The following SAMHD1 variants were observed in gnomAD, a reference collection of about 807,000 sequenced individuals.
The protein encoded by SAMHD1 is deoxynucleoside triphosphate triphosphohydrolase SAMHD1.
Under a neutral mutation model 79.6 loss-of-function variants are expected in SAMHD1, and 54 were observed. The ratio of observed to expected loss-of-function variants is 0.68; its 90% CI spans 0.55 to 0.85. The LOEUF (loss-of-function observed/expected upper bound fraction) is 0.85. Ranked by LOEUF, SAMHD1 falls within the 40% of genes least tolerant of loss-of-function variation. The pLI is 0.00. For synonymous variants in SAMHD1, 260 were observed against 264.1 expected, an observed-to-expected ratio of 0.98 and a Z score of 0.15; for missense variants, 663 against 782.7, an observed-to-expected ratio of 0.85 and a Z score of 1.82.
chr20:36,929,340 A>G (rs1483810649), intron 5 of SAMHD1, among the ~76,000 whole-genome samples: 1 of 151,876 alleles, frequency 6.6e-6, no homozygotes, highest in Non-Finnish European at 1.5e-5. Flanking sequence ...AGTGGCATGC[A>G]CCTCCCTTCC....
chr20:36,945,022 T>C (rs1265950996), intron 2 of SAMHD1, among the ~76,000 whole-genome samples: 2 of 151,412 alleles, frequency 1.3e-5, no homozygotes, highest in Admixed American at 1.3e-4. Flanking sequence ...TGTATGTATG[T>C]ATATATGTAT....
intron 1 of SAMHD1, among the ~76,000 whole-genome samples, chr20:36,947,248 G>A (rs183933216): frequency 3.6e-4 from 55 of 152,078 alleles, no homozygotes; most frequent in Admixed American, 1.0e-3. Flanking sequence ...ATTCAAGAGT[G>A]CTTAAAGTGT....
chr20:36,941,200 A>G (rs1335778088), intron 2 of SAMHD1, 89 bp from the exon 3 acceptor site: 2 of 852,092 alleles, frequency 2.3e-6, no homozygotes, highest in Non-Finnish European at 3.9e-6. Flanking sequence ...ACTTTATATT[A>G]TCTACACTAA....
chr20:36,948,754 C>T (rs2146155717), intron 1 of SAMHD1, among the ~76,000 whole-genome samples: 1 of 149,236 alleles, frequency 6.7e-6, no homozygotes, highest in African/African-American at 2.5e-5. Context: ...GTAGTCACAG[C>T]TACTCAGGAG....
In SAMHD1 at chr20:36,916,811, T is replaced by A; in HGVS notation, c.973A>T (p.Ile325Phe). The change falls in exon 9 of 16, where the codon ATC becomes TTC. Residue 325 changes from isoleucine (I) to phenylalanine (F), a missense_variant. By Grantham distance (21) the Ile-to-Phe change is conservative. Coordinates refer to ENST00000646673, the MANE Select transcript of SAMHD1 (RefSeq NM_015474.4). ...YFARDCHHLG[I>F]QNNFDYKRFI... The stretch of plus-strand genomic sequence containing the variant: ...CGCTTGTAATCAAAATTATTTTGGA[T>A]TCCAAGATGATGGCAGTCCCTAGAA... 1 of 1,613,992 alleles carries A rather than the reference T, an allele frequency of 6.2e-7. No homozygotes were observed. Among genetic ancestry groups the A allele is most frequent in the Non-Finnish European group, 8.5e-7 (1 of 1,179,928 alleles).
chr20:36,942,173 T>C (rs1169503545), intron 2 of SAMHD1, among the ~76,000 whole-genome samples: 2 of 152,158 alleles, frequency 1.3e-5, no homozygotes, highest in Admixed American at 6.6e-5. Context: ...CCCAGCACTT[T>C]GGGAGGCCGA....
At chr20:36,930,541 C>T (rs1306377992) in intron 5 of SAMHD1, among the ~76,000 whole-genome samples, 1 of 151,526 alleles carries the variant, frequency 6.6e-6, no homozygotes, top group South Asian at 2.1e-4. Flanking sequence ...AGATGTTTAA[C>T]ATGAGAAATT....
chr20:36,942,699 T>A (rs575204827), intron 2 of SAMHD1, among the ~76,000 whole-genome samples: 9 of 151,794 alleles, frequency 5.9e-5, no homozygotes, highest in Non-Finnish European at 1.3e-4. Flanking sequence ...CAGGCTGGAG[T>A]GCAGTGACGT....
At chr20:36,944,140 G>A (rs1190725711) in intron 2 of SAMHD1, among the ~76,000 whole-genome samples, 5 of 147,372 alleles carry the variant, frequency 3.4e-5, no homozygotes, top group Admixed American at 2.1e-4. Context: ...AAGGTCAGGA[G>A]ATTGAGACCA....
intron 4 of SAMHD1, among the ~76,000 whole-genome samples, chr20:36,931,585 C>T (rs1023257627): frequency 6.6e-6 from 1 of 151,884 alleles, no homozygotes; most frequent in African/African-American, 2.4e-5. Flanking sequence ...TGCAGTGAGC[C>T]GAGATCTTGC....
chr20:36,919,393 G>A lies in SAMHD1; in HGVS notation c.823C>T (p.Pro275Ser), dbSNP rs1217802439. 1 of 1,613,568 alleles carries A rather than the reference G, an allele frequency of 6.2e-7. No homozygotes were observed. The highest frequency in any genetic ancestry group is 8.5e-7 in the Non-Finnish European group (1 of 1,179,708). The change falls in exon 7 of 16, where the codon CCA becomes TCA. Residue 275 changes from proline (P) to serine (S), a missense_variant. Physicochemically the swap from Pro to Ser is moderately conservative, Grantham distance 74. Coordinates refer to ENST00000646673, the MANE Select transcript of SAMHD1 (RefSeq NM_015474.4). ...GAATCTTCGACAGGTGATTCAAGTG[G>A]TCCTACAATTTGTTCCTTTATAAAG... ...ICFIKEQIVG[P>S]LESPVEDSLW...
chr20:36,920,428 CG>C (rs2063497914), intron 6 of SAMHD1, among the ~76,000 whole-genome samples: 2 of 152,042 alleles, frequency 1.3e-5, no homozygotes, highest in African/African-American at 2.4e-5. Context: ...TCCCCGCCCC[CG>C]CAGAAACAAT....
In SAMHD1 at chr20:36,935,222, G is replaced by C. The variant is rs1171347899; in HGVS notation, c.349-33C>G. On this transcript the variant is annotated intron_variant, in intron 3 of 15. Coordinates refer to ENST00000646673, the MANE Select transcript of SAMHD1 (RefSeq NM_015474.4). ...ATTATGTTTAATTAATACAAATAACGACATGTAAGTCCAACTGAAATTTGT... is the reference window on the plus strand; with the variant it reads ...ATTATGTTTAATTAATACAAATAACCACATGTAAGTCCAACTGAAATTTGT... The C allele has an allele frequency of 3.9e-6, 6 of 1,558,352 alleles. No individual in the cohort carries two copies. In the South Asian group the frequency reaches 6.7e-5, roughly 17 times the overall value.
At chr20:36,947,484 T>A (rs1449396476) in intron 1 of SAMHD1, among the ~76,000 whole-genome samples, 12 of 131,074 alleles carry the variant, frequency 9.2e-5, no homozygotes, top group African/African-American at 3.2e-4. Flanking sequence ...GAGGTGTGTG[T>A]GTGTGTGAGT....
chr20:36,941,518 C>CT (rs2063644027), intron 2 of SAMHD1, among the ~76,000 whole-genome samples: 1 of 152,130 alleles, frequency 6.6e-6, no homozygotes. Context: ...CATATGAAGG[C>CT]TTTAACTTTA....
At chr20:36,936,970 GTC>G (rs10605588) in intron 3 of SAMHD1, among the ~76,000 whole-genome samples, 30,315 of 151,388 alleles carry the variant, frequency 0.2, 3,564 homozygotes, top group African/African-American at 0.32. Flanking sequence ...ATGAAATCCC[GTC>G]TCTACTAAAA....
At chr20:36,925,959 C>T (rs899743140) in intron 6 of SAMHD1, among the ~76,000 whole-genome samples, 4 of 152,126 alleles carry the variant, frequency 2.6e-5, no homozygotes, top group African/African-American at 9.7e-5. Context: ...GCAATTCTAG[C>T]TCCTCGGTAT....
chr20:36,923,955 A>G (rs2063521299), intron 6 of SAMHD1, among the ~76,000 whole-genome samples: 1 of 152,144 alleles, frequency 6.6e-6, no homozygotes, highest in African/African-American at 2.4e-5. Context: ...AAGTTTTTAA[A>G]CAAAAAAGGA....
chr20:36,936,364 C>A lies in SAMHD1; in HGVS notation c.349-1175G>T, dbSNP rs544789103. Among the ~76,000 whole-genome samples, 4 of 152,198 alleles carry A rather than the reference C, an allele frequency of 2.6e-5. No individual in the cohort carries two copies. In the East Asian group the frequency reaches 7.7e-4, roughly 29 times the overall value. On this transcript the variant is annotated intron_variant, in intron 3 of 15. Coordinates refer to ENST00000646673, the MANE Select transcript of SAMHD1 (RefSeq NM_015474.4). ...CTCGCTTTCTCACCAGGCTGCAGTG[C>A]GTTGGCTATTCACAGGCACAATCAT...
Sources: gnomAD v4.1 joint callset for allele counts (sites outside exome capture counted in the v4.1 genomes callset) on GRCh38, gnomAD v4.1.1 for gene constraint, MANE v1.5 for transcripts, NCBI Gene and HGNC (gene_info 2026-07-23, HGNC 2026-07-21) for gene names.